The following MPP7 variants were observed in gnomAD, a reference collection of about 807,000 sequenced individuals.
The protein encoded by MPP7 is MAGUK p55 subfamily member 7.
In MPP7, 60 loss-of-function variants were observed where a neutral mutation model predicts 76.5. That is an observed-to-expected ratio of 0.78 (90% confidence interval 0.64 to 0.97). MPP7 has a LOEUF of 0.97. Among genes scored for constraint, MPP7 ranks in the 50% least tolerant of loss-of-function variants. The probability of loss-of-function intolerance (pLI) is 0.00; values close to 1 mark genes in which losing one functional copy is unlikely to be tolerated. For synonymous variants in MPP7, 237 were observed against 244.5 expected, an observed-to-expected ratio of 0.97 and a Z score of 0.29; for missense variants, 641 against 694.0, an observed-to-expected ratio of 0.92 and a Z score of 0.86.
At chr10:28,205,314 TGTGTTTTAAC>T (rs1352768670) in intron 2 of MPP7, among the ~76,000 whole-genome samples, 1 of 152,190 alleles carries the variant, frequency 6.6e-6, no homozygotes, top group African/African-American at 2.4e-5. Context: ...AAATGGGGCC[TGTGTTTTAAC>T]ATGTTTTTTA....
At chr10:28,108,507 A>C (rs1369421141) in intron 11 of MPP7, among the ~76,000 whole-genome samples, 1 of 151,840 alleles carries the variant, frequency 6.6e-6, no homozygotes, top group Non-Finnish European at 1.5e-5. Context: ...ATACAAAAAA[A>C]TTAGCTGGCC....
intron 2 of MPP7, among the ~76,000 whole-genome samples, chr10:28,222,760 G>A (rs1253733460): frequency 6.6e-6 from 1 of 150,404 alleles, no homozygotes; most frequent in Non-Finnish European, 1.5e-5. Flanking sequence ...GCTGAGGCAG[G>A]AGAATGGCAT....
At chr10:28,141,171 A>G (rs1398391057) in intron 5 of MPP7, among the ~76,000 whole-genome samples, 1 of 152,090 alleles carries the variant, frequency 6.6e-6, no homozygotes, top group Non-Finnish European at 1.5e-5. Flanking sequence ...CCATAAAGTC[A>G]CTTGACAAAA....
At chr10:28,063,366 G>C (rs1242384104) in intron 13 of MPP7, among the ~76,000 whole-genome samples, 1 of 151,964 alleles carries the variant, frequency 6.6e-6, no homozygotes, top group South Asian at 2.1e-4. Flanking sequence ...GGAGGCTGAG[G>C]TGGGAGAATC....
intron 2 of MPP7, among the ~76,000 whole-genome samples, chr10:28,216,885 C>G (rs555021668): frequency 1.3e-5 from 2 of 151,126 alleles, no homozygotes; most frequent in African/African-American, 4.9e-5. Flanking sequence ...TTTGGCAGAA[C>G]GAAAACTTGG....
upstream of MPP7, among the ~76,000 whole-genome samples, chr10:28,304,585 CTAA>C (rs142315969): frequency 7.5e-3 from 1,135 of 152,222 alleles, 17 homozygotes; most frequent in African/African-American, 0.027. Context: ...CCAAACCTTT[CTAA>C]TAATAACTGT....
chr10:28,223,490 G>T (rs17758753), intron 2 of MPP7, among the ~76,000 whole-genome samples: 1 of 152,122 alleles, frequency 6.6e-6, no homozygotes, highest in Non-Finnish European at 1.5e-5. Flanking sequence ...TTCCATCATC[G>T]TTGCATAAGG....
chr10:28,229,052 T>C (rs960425940), intron 2 of MPP7, among the ~76,000 whole-genome samples: 9 of 152,136 alleles, frequency 5.9e-5, no homozygotes, highest in African/African-American at 1.9e-4. Context: ...AAGAATGAAG[T>C]ACAGGTAACA....
intron 1 of MPP7, among the ~76,000 whole-genome samples, chr10:28,283,515 A>G (rs942662791): frequency 6.6e-6 from 1 of 151,844 alleles, no homozygotes; most frequent in Non-Finnish European, 1.5e-5. Flanking sequence ...AAAACATTCC[A>G]AAGCTTTTGT....
At chr10:28,323,707 TAAATAGAG>T (rs5784055) in intron 2 of MPP7, among the ~76,000 whole-genome samples, 45,868 of 151,306 alleles carry the variant, frequency 0.3, 7,140 homozygotes, top group East Asian at 0.43. Context: ...AATAAATAAA[TAAATAGAG>T]AGAGAGAAAG....
chr10:28,320,192 C>G (rs191934558), intron 2 of MPP7, among the ~76,000 whole-genome samples: 10 of 152,068 alleles, frequency 6.6e-5, no homozygotes, highest in Non-Finnish European at 1.3e-4. Flanking sequence ...AGAAATGGGC[C>G]GAGAAGGTAC....
At chr10:28,306,351 C>A (rs1841255644), upstream of MPP7, among the ~76,000 whole-genome samples, 1 of 152,184 alleles carries the variant, frequency 6.6e-6, no homozygotes, top group South Asian at 2.1e-4. Context: ...GACAGAAATT[C>A]ATTAGATAGA....
chr10:28,287,000 T>C (rs374414179), intron 1 of MPP7, among the ~76,000 whole-genome samples: 57 of 152,322 alleles, frequency 3.7e-4, no homozygotes, highest in African/African-American at 1.3e-3. Context: ...GAAAAGAATT[T>C]ATGCCAACCG....
Position 28,120,393 on chromosome 10 carries a change from G to A in MPP7, c.691-3C>T. On this transcript the variant is annotated splice_region_variant and splice_polypyrimidine_tract_variant and intron_variant, in intron 9 of 16. Transcript: ENST00000683449. ...TCAAAGAGGGCTTTGATAAACATCT[G>A]GAAGAAAAGTTTCATTAAAGATGAA... 3 of 1,602,850 alleles carry A rather than the reference G, an allele frequency of 1.9e-6. No homozygotes were observed. Among genetic ancestry groups the A allele is most frequent in the Non-Finnish European group, 2.6e-6 (3 of 1,175,692 alleles).
intron 3 of MPP7, among the ~76,000 whole-genome samples, chr10:28,154,157 A>C (rs1204286376): frequency 6.6e-6 from 1 of 152,196 alleles, no homozygotes; most frequent in African/African-American, 2.4e-5. Context: ...CCATGGACCA[A>C]CAAGTCCATG....
upstream of MPP7, among the ~76,000 whole-genome samples, chr10:28,307,943 G>A (rs1178476356): frequency 5.3e-5 from 8 of 152,158 alleles, no homozygotes; most frequent in Admixed American, 2.6e-4. Context: ...TAAAATGTGC[G>A]CTTCCTTCTT....
intron 5 of MPP7, among the ~76,000 whole-genome samples, chr10:28,132,709 C>T (rs1319385928): frequency 6.6e-6 from 1 of 152,140 alleles, no homozygotes; most frequent in Non-Finnish European, 1.5e-5. Flanking sequence ...AAGCAATTCT[C>T]GGCCTCAGCC....
chr10:28,087,557 G>A (rs552559031), intron 12 of MPP7, among the ~76,000 whole-genome samples: 1 of 151,962 alleles, frequency 6.6e-6, no homozygotes, highest in Non-Finnish European at 1.5e-5. Flanking sequence ...CACTACACCT[G>A]ACTAATTTTT....
chr10:28,297,095 A>G (rs1377959328), intron 1 of MPP7, among the ~76,000 whole-genome samples: 1 of 152,232 alleles, frequency 6.6e-6, no homozygotes, highest in Non-Finnish European at 1.5e-5. Context: ...TACCTTGAAG[A>G]TATCACATGT....
Sources: gnomAD v4.1 joint callset for allele counts (sites outside exome capture counted in the v4.1 genomes callset) on GRCh38, gnomAD v4.1.1 for gene constraint, MANE v1.5 for transcripts, NCBI Gene and HGNC (gene_info 2026-07-23, HGNC 2026-07-21) for gene names.